VPS13C: variants seen among roughly 807,000 people sequenced by gnomAD.
VPS13C encodes vacuolar protein sorting 13 homolog C.
In VPS13C, 358 loss-of-function variants were observed where a neutral mutation model predicts 456.8. That is an observed-to-expected ratio of 0.78 (90% CI 0.72 to 0.86). VPS13C has a LOEUF of 0.86. Among genes scored for constraint, VPS13C ranks in the 40% least tolerant of loss-of-function variants. The probability of loss-of-function intolerance (pLI) is 0.00; values close to 1 mark genes in which losing one functional copy is unlikely to be tolerated. For synonymous variants in VPS13C, 1,578 were observed against 1,486.7 expected (o/e 1.06, Z -1.41); for missense variants, 4,818 against 4,385.4 (o/e 1.10, Z -2.79).
rs1566990413 is a variant in VPS13C, at chr15:61,908,986, T to C, written c.8978+6A>G. ...AGTATTTCCCATTAACCCTTTTTTCTCATACCTCTGTTTGTATGTGAGGAT... is the reference window on the plus strand; with the variant it reads ...AGTATTTCCCATTAACCCTTTTTTCCCATACCTCTGTTTGTATGTGAGGAT... On this transcript the variant is annotated splice_donor_region_variant and intron_variant, in intron 65 of 84. Coordinates refer to ENST00000644861, the MANE Select transcript of VPS13C (RefSeq NM_020821.3). The C allele has an allele frequency of 6.2e-7, 1 of 1,612,980 alleles. No individual in the cohort carries two copies. The highest frequency in any genetic ancestry group is 8.5e-7 in the Non-Finnish European group (1 of 1,179,490).
intron 16 of VPS13C, among the ~76,000 whole-genome samples, chr15:61,999,991 T>G (rs1274492681): frequency 1.3e-5 from 2 of 151,912 alleles, no homozygotes; most frequent in Non-Finnish European, 2.9e-5. Context: ...ATTATCACAG[T>G]AGTATTCTAA....
chr15:62,055,304 T>G (rs1378408538), intron 1 of VPS13C, among the ~76,000 whole-genome samples: 1 of 152,018 alleles, frequency 6.6e-6, no homozygotes, highest in Non-Finnish European at 1.5e-5. Context: ...CTCTGCTCAC[T>G]GCAACCTCTG....
At chr15:61,893,341 A>T (rs1001728820) in intron 66 of VPS13C, among the ~76,000 whole-genome samples, 1 of 152,204 alleles carries the variant, frequency 6.6e-6, no homozygotes, top group Non-Finnish European at 1.5e-5. Flanking sequence ...CAAAGTGTTG[A>T]AGGGGAAGAA....
rs764238317 is a variant in VPS13C, at chr15:61,890,235, G to C, written c.9271C>G (p.Leu3091Val). 6.8e-6 allele frequency: 11 copies of C among 1,614,062 alleles called. No homozygotes were observed. Among genetic ancestry groups the C allele is most frequent in the Admixed American group, 1.7e-5 (1 of 59,998 alleles). The change falls in exon 67 of 85, where the codon CTC becomes GTC. Residue 3091 changes from leucine (L) to valine (V), a missense_variant. By Grantham distance (32) the Leu-to-Val change is conservative. This residue lies in a region of VPS13C where 4,552 missense variants were observed against 4,130.6 expected (regional missense o/e 1.10). Transcript: ENST00000644861. ...ACCAGTGAAAGCCCAAGACTGTGGAGAGACAAGGTTATTTCATAATCAGCC... is the reference window on the plus strand; with the variant it reads ...ACCAGTGAAAGCCCAAGACTGTGGACAGACAAGGTTATTTCATAATCAGCC... ...EQADYEITLS[L>V]HSLGLSLVNN...
chr15:62,032,914 A>G (rs547443066), intron 5 of VPS13C, among the ~76,000 whole-genome samples: 164 of 151,882 alleles, frequency 1.1e-3, no homozygotes, highest in African/African-American at 3.9e-3. Context: ...TTTTTAGATA[A>G]AAACAAAAAT....
intron 3 of VPS13C, among the ~76,000 whole-genome samples, chr15:62,038,907 C>T (rs1402338647): frequency 6.6e-6 from 1 of 152,150 alleles, no homozygotes; most frequent in Non-Finnish European, 1.5e-5. Context: ...GAGATACCAT[C>T]TTACACCAGC....
Position 61,958,610 on chromosome 15 carries a change from G to GTCTCTTGTA in VPS13C, c.4154_4162dup (p.Glu1387_Thr1388insIleGlnGlu). The GTCTCTTGTA allele has an allele frequency of 6.5e-7, 1 of 1,549,004 alleles. No homozygotes were observed. ...GCCACTTACTGTCAGCCTCTTACCT[G>GTCTCTTGTA]TCTCTTGTACTCTTGGTTTCACTTT... On this transcript the variant is annotated inframe_insertion, in exon 37 of 85. Coordinates refer to ENST00000644861, the MANE Select transcript of VPS13C (RefSeq NM_020821.3).
At chr15:62,016,534 T>G (rs1335064917) in intron 9 of VPS13C, among the ~76,000 whole-genome samples, 1 of 150,796 alleles carries the variant, frequency 6.6e-6, no homozygotes, top group Non-Finnish European at 1.5e-5. Flanking sequence ...TGGTTTTTTG[T>G]CCTTGCAATA....
chr15:62,002,762 T>C (rs958996192), intron 15 of VPS13C, among the ~76,000 whole-genome samples: 1 of 152,198 alleles, frequency 6.6e-6, no homozygotes, highest in African/African-American at 2.4e-5. Flanking sequence ...CCCAGCACCA[T>C]TTATTAAATA....
Position 62,039,298 on chromosome 15 carries a change from C to A in VPS13C, c.187+2026G>T, listed in dbSNP as rs530026856. 1.2e-4 allele frequency among the ~76,000 whole-genome samples: 18 copies of A among 152,068 alleles called. No individual in the cohort carries two copies. In the South Asian group the frequency reaches 3.7e-3, roughly 32 times the overall value. Reference sequence around the variant, plus strand: ...GTCCCCTACAGCAAGATGGATGAAGCTAGAGGCCATTATCTTAAGTAAATC... The same window carrying A: ...GTCCCCTACAGCAAGATGGATGAAGATAGAGGCCATTATCTTAAGTAAATC... On this transcript the variant is annotated intron_variant, in intron 3 of 84. Transcript: ENST00000644861.
chr15:61,869,323 C>T (rs570048056), intron 80 of VPS13C, among the ~76,000 whole-genome samples, 177 bp downstream of exon 80: 4 of 151,868 alleles, frequency 2.6e-5, no homozygotes, highest in South Asian at 2.1e-4. Context: ...TCACCATGTT[C>T]GCAAAATATG....
At chr15:61,920,836 C>A (rs572946793) in intron 55 of VPS13C, among the ~76,000 whole-genome samples, 189 bp from the exon 56 acceptor site, 2 of 151,986 alleles carry the variant, frequency 1.3e-5, no homozygotes, top group Non-Finnish European at 2.9e-5. Flanking sequence ...GGGTATAGTC[C>A]AAGCATGGGG....
chr15:61,881,707 T>C (rs1895868481), intron 70 of VPS13C, 40 bp downstream of exon 70: 2 of 1,601,708 alleles, frequency 1.2e-6, no homozygotes, highest in African/African-American at 1.4e-5. Flanking sequence ...TTAACTTTTA[T>C]AAATAAGGTA....
intron 45 of VPS13C, among the ~76,000 whole-genome samples, chr15:61,942,764 C>T (rs1013043420): frequency 2.0e-5 from 3 of 151,916 alleles, no homozygotes; most frequent in Admixed American, 1.3e-4. Context: ...CTAACCTCCC[C>T]GGCACCCACC....
intron 66 of VPS13C, among the ~76,000 whole-genome samples, chr15:61,891,534 TCA>T (rs1308544490): frequency 2.0e-5 from 3 of 152,226 alleles, no homozygotes; most frequent in Non-Finnish European, 4.4e-5. Context: ...GTATCTTAGT[TCA>T]CAGTTATTAT....
At chr15:61,974,712 C>A (rs2045652609) in intron 24 of VPS13C, among the ~76,000 whole-genome samples, 1 of 152,142 alleles carries the variant, frequency 6.6e-6, no homozygotes, top group South Asian at 2.1e-4. Flanking sequence ...AACACTACTT[C>A]CTGGTATCAA....
rs771845753 is a variant in VPS13C, at chr15:61,962,745, C to G, written c.3435+4G>C. ...ATATTAACTATCTGTTTACAATCAC[C>G]TACTTTCTTATGAACTGTCTTTGGA... is the stretch of plus-strand genomic sequence containing the variant. On this transcript the variant is annotated splice_donor_region_variant and intron_variant, in intron 33 of 84. Transcript: ENST00000644861. 6.3e-7 allele frequency: 1 copy of G among 1,575,226 alleles called. No homozygotes were observed. Among genetic ancestry groups the G allele is most frequent in the Admixed American group, 1.7e-5 (1 of 59,104 alleles).
chr15:62,008,686 A>G lies in VPS13C; in HGVS notation c.1087T>C (p.Tyr363His). The G allele has an allele frequency of 6.2e-7, 1 of 1,607,404 alleles. No individual in the cohort carries two copies. The highest frequency in any genetic ancestry group is 1.1e-5 in the South Asian group (1 of 89,698). Residue 363 changes from tyrosine to histidine, a missense_variant, in exon 14 of 85, where the codon TAT (tyrosine) becomes CAT (histidine). This residue lies in a region of VPS13C where 4,552 missense variants were observed against 4,130.6 expected (regional missense o/e 1.10). Coordinates refer to ENST00000644861, the MANE Select transcript of VPS13C (RefSeq NM_020821.3). Reference sequence around the variant, plus strand: ...CGACCATTGGTATGAAGTGGTAAATAAGGCTTGTATTTCCTATAAGGCGCA... The same window carrying G: ...CGACCATTGGTATGAAGTGGTAAATGAGGCTTGTATTTCCTATAAGGCGCA... ...RNAPYRKYKP[Y>H]LPLHTNGRRW...
At chr15:61,907,936 ACAATAC>A (rs1439713506) in intron 65 of VPS13C, among the ~76,000 whole-genome samples, 1 of 152,160 alleles carries the variant, frequency 6.6e-6, no homozygotes, top group Non-Finnish European at 1.5e-5. Flanking sequence ...TTTAACAAAT[ACAATAC>A]TTAAGATATA....
Sources: allele counts gnomAD v4.1 joint callset (sites outside exome capture counted in the v4.1 genomes callset), GRCh38; gene constraint gnomAD v4.1.1; regional missense constraint gnomAD v4.1.1; transcripts MANE v1.5; gene names NCBI Gene and HGNC (gene_info 2026-07-23, HGNC 2026-07-21).